Variants in GRIP1 observed in about 807,000 individuals in gnomAD.
The protein encoded by GRIP1 is glutamate receptor interacting protein 1.
GRIP1 carries 45 observed loss-of-function variants against 129.9 expected under a neutral mutation model. The ratio of observed to expected loss-of-function variants is 0.35; its 90% CI spans 0.27 to 0.44. The LOEUF (loss-of-function observed/expected upper bound fraction) is 0.44, where lower values mean the gene tolerates loss of function less well. Ranked by LOEUF, GRIP1 falls within the 20% of genes least tolerant of loss-of-function variation. The pLI, the probability that GRIP1 is intolerant of heterozygous loss-of-function variation, is 1.00. For missense variants in GRIP1, 1,196 were observed against 1,396.8 expected (o/e 0.86, Z 2.29); for synonymous variants, 530 against 520.8 (o/e 1.02, Z -0.24).
intron 1 of GRIP1, among the ~76,000 whole-genome samples, chr12:66,768,583 C>T (rs1483947492): frequency 6.6e-6 from 1 of 152,182 alleles, no homozygotes; most frequent in Non-Finnish European, 1.5e-5. Context: ...CTTACTACAA[C>T]CACCTTTCTG....
intron 1 of GRIP1, among the ~76,000 whole-genome samples, chr12:67,019,335 G>A (rs1008588547): frequency 3.9e-5 from 6 of 152,136 alleles, no homozygotes; most frequent in East Asian, 1.9e-4. Flanking sequence ...ATGTAAATAC[G>A]GACGCTTCCT....
At chr12:66,885,448 G>A (rs1490111630) in intron 1 of GRIP1, among the ~76,000 whole-genome samples, 24 of 152,168 alleles carry the variant, frequency 1.6e-4, no homozygotes, top group Admixed American at 1.6e-3. Context: ...CTGTAGCAAA[G>A]GCTGTGAGTA....
intron 1 of GRIP1, among the ~76,000 whole-genome samples, chr12:66,658,681 G>A (rs1592711270): frequency 6.6e-6 from 1 of 152,244 alleles, no homozygotes; most frequent in African/African-American, 2.4e-5. Context: ...GGCCAAGGCA[G>A]GAGGACTGTT....
intron 1 of GRIP1, among the ~76,000 whole-genome samples, chr12:67,006,314 C>T (rs907660759): frequency 9.2e-5 from 14 of 152,124 alleles, no homozygotes; most frequent in African/African-American, 3.1e-4. Flanking sequence ...CCTGTAATAC[C>T]AGCACTTTGT....
At chr12:66,858,327 A>C (rs2040042815) in intron 1 of GRIP1, among the ~76,000 whole-genome samples, 1 of 151,942 alleles carries the variant, frequency 6.6e-6, no homozygotes, top group South Asian at 2.1e-4. Flanking sequence ...GCAAGAATTT[A>C]CTTTCAACAC....
chr12:66,952,961 T>C (rs566913079), intron 1 of GRIP1, among the ~76,000 whole-genome samples: 2 of 152,362 alleles, frequency 1.3e-5, no homozygotes, highest in South Asian at 4.1e-4. Flanking sequence ...ATATGCTATA[T>C]AGCTTGACTA....
chr12:66,559,760 T>G (rs1286891476), intron 2 of GRIP1, among the ~76,000 whole-genome samples: 1 of 152,034 alleles, frequency 6.6e-6, no homozygotes, highest in Non-Finnish European at 1.5e-5. Context: ...AGCAATCTAC[T>G]AATTCAATGC....
In GRIP1 at chr12:66,747,411, C is replaced by T. The variant is rs980352051; in HGVS notation, c.-420+56642G>A. On this transcript the variant is annotated intron_variant, in intron 1 of 4. Coordinates refer to the GRIP1 transcript ENST00000538373. ...GCAGAAGCTTCTAAAATCAAGCAAG[C>T]TACACATCCTTGACAGAGACTCAAA... Among the ~76,000 whole-genome samples the T allele has an allele frequency of 6.6e-5, 10 of 152,272 alleles. 1 individual carries two copies. In the East Asian group the frequency reaches 1.9e-3, roughly 29 times the overall value.
chr12:66,580,503 C>G (rs2063332107), intron 2 of GRIP1, among the ~76,000 whole-genome samples: 1 of 152,252 alleles, frequency 6.6e-6, no homozygotes, highest in African/African-American at 2.4e-5. Flanking sequence ...GTGTTGTACT[C>G]AGGAAACCCA....
intron 1 of GRIP1, among the ~76,000 whole-genome samples, chr12:66,608,508 T>G (rs942036195): frequency 6.6e-6 from 1 of 152,100 alleles, no homozygotes; most frequent in Non-Finnish European, 1.5e-5. Context: ...AATTTTTATA[T>G]TTTTAGTAGA....
At chr12:66,859,024 A>G (rs188292933) in intron 1 of GRIP1, among the ~76,000 whole-genome samples, 45 of 152,014 alleles carry the variant, frequency 3.0e-4, no homozygotes, top group African/African-American at 1.0e-3. Flanking sequence ...TTTTCCTATT[A>G]CATAATCCCT....
chr12:66,866,017 C>T (rs2040199370), intron 1 of GRIP1, among the ~76,000 whole-genome samples: 1 of 152,110 alleles, frequency 6.6e-6, no homozygotes, highest in African/African-American at 2.4e-5. Flanking sequence ...TAACCAAAGC[C>T]TTACTTTTCC....
chr12:66,362,271 T>C (rs1168969289), intron 23 of GRIP1, among the ~76,000 whole-genome samples: 1 of 150,940 alleles, frequency 6.6e-6, no homozygotes, highest in Admixed American at 6.6e-5. Context: ...CTCCTGCCTC[T>C]GCTTCCTGAG....
At position 66,392,469 on chromosome 12, in the gene GRIP1, A is replaced by G; in HGVS notation, c.2303T>C (p.Ile768Thr). ...QSASSPKKFP[I>T]SSHLSDLGDV... ...CCCCAGGTCACTCAAATGGCTAGAA[A>G]TAGGGAACTTCTTGGGGCTCGATGC... is the stretch of plus-strand genomic sequence containing the variant. Residue 768 changes from isoleucine to threonine, a missense_variant, in exon 19 of 25, where the codon ATT (isoleucine) becomes ACT (threonine). Transcript: ENST00000359742. 1 of 1,614,152 alleles carries G rather than the reference A, an allele frequency of 6.2e-7. No homozygotes were observed. Among genetic ancestry groups the G allele is most frequent in the Non-Finnish European group, 8.5e-7 (1 of 1,180,000 alleles).
At chr12:67,011,304 C>A (rs2042704275) in intron 1 of GRIP1, among the ~76,000 whole-genome samples, 1 of 152,104 alleles carries the variant, frequency 6.6e-6, no homozygotes, top group Non-Finnish European at 1.5e-5. Flanking sequence ...GCAACCAGTC[C>A]ACCAAATAGC....
intron 1 of GRIP1, among the ~76,000 whole-genome samples, chr12:66,704,418 T>C (rs2035459422): frequency 1.3e-5 from 2 of 152,010 alleles, no homozygotes; most frequent in African/African-American, 2.4e-5. Context: ...AGAACACATG[T>C]GGATCAGTAA....
At chr12:66,898,601 A>G (rs1332070464) in intron 1 of GRIP1, among the ~76,000 whole-genome samples, 1 of 152,218 alleles carries the variant, frequency 6.6e-6, no homozygotes, top group Non-Finnish European at 1.5e-5. Context: ...TATCATGAAG[A>G]GCCTATGCCA....
intron 1 of GRIP1, among the ~76,000 whole-genome samples, chr12:67,011,722 G>T (rs2042710986): frequency 6.6e-6 from 1 of 151,354 alleles, no homozygotes; most frequent in African/African-American, 2.4e-5. Flanking sequence ...ACAGCATCTT[G>T]CACTACAGAA....
At chr12:66,547,006 T>A (rs898886008) in intron 2 of GRIP1, among the ~76,000 whole-genome samples, 1 of 151,964 alleles carries the variant, frequency 6.6e-6, no homozygotes, top group Non-Finnish European at 1.5e-5. Flanking sequence ...GCAAACTACA[T>A]ATCCAACAAA....
Sources: allele counts gnomAD v4.1 joint callset (sites outside exome capture counted in the v4.1 genomes callset), GRCh38; gene constraint gnomAD v4.1.1; transcripts MANE v1.5; gene names NCBI Gene and HGNC (gene_info 2026-07-23, HGNC 2026-07-21).